OSBPL1A: variants seen among roughly 807,000 people sequenced by gnomAD.
The protein encoded by OSBPL1A is oxysterol-binding protein-related protein 1.
In OSBPL1A, 80 loss-of-function variants were observed where a neutral mutation model predicts 137.1. That is an observed-to-expected ratio of 0.58 (90% CI 0.49 to 0.70). The LOEUF (loss-of-function observed/expected upper bound fraction) is 0.70, where lower values mean the gene tolerates loss of function less well. OSBPL1A is among the 30% of genes least tolerant of loss of function. The pLI is 0.00. For missense variants in OSBPL1A, 970 were observed against 1,129.4 expected, an observed-to-expected ratio of 0.86 and a Z score of 2.02; for synonymous variants, 365 against 389.7, an observed-to-expected ratio of 0.94 and a Z score of 0.75.
In OSBPL1A at chr18:24,368,408, T is replaced by C. The variant is rs757397029; in HGVS notation, c.122-36A>G. ...AAAAATATAAGGTATTTTTAGGTCA[T>C]ATTTAGGTAATTTTACAACGAAATT... is the stretch of plus-strand genomic sequence containing the variant. On this transcript the variant is annotated intron_variant, in intron 2 of 27. Transcript: ENST00000319481. The C allele has an allele frequency of 1.5e-5, 22 of 1,488,612 alleles. No homozygotes were observed. In the East Asian group the frequency reaches 4.7e-4, roughly 32 times the overall value. The allele number at this position is 1,488,612 out of a possible 1,614,324, so 92.2% of individuals were successfully genotyped here. A position where few individuals can be genotyped will look rare whatever the true frequency, so the allele number is the denominator to read the frequency against.
chr18:24,240,886 C>T (rs1038250078), intron 15 of OSBPL1A, among the ~76,000 whole-genome samples: 3 of 152,062 alleles, frequency 2.0e-5, no homozygotes, highest in Non-Finnish European at 2.9e-5. Context: ...AGGTGGTATC[C>T]CAACAGTTTG....
Position 24,271,492 on chromosome 18 carries a change from G to T in OSBPL1A, c.1281+9350C>A. ...GCTGCACCCCACTCTGCACACACAC[G>T]TCCAACTATTCTTGGATCTACTCAC... On this transcript the variant is annotated intron_variant, in intron 15 of 27. Coordinates refer to ENST00000319481, the MANE Select transcript of OSBPL1A (RefSeq NM_080597.4). The surrounding 1 kb of genome is among the most constrained non-coding windows in gnomAD (Gnocchi z 4.0). 1.1e-6 allele frequency: 1 copy of T among 926,752 alleles called. No homozygotes were observed. Among genetic ancestry groups the T allele is most frequent in the Non-Finnish European group, 1.3e-6 (1 of 776,418 alleles). 57.4% of individuals were successfully genotyped at this position (926,752 alleles called of 1,614,324 possible).
intron 16 of OSBPL1A, among the ~76,000 whole-genome samples, chr18:24,227,191 C>A (rs1245541398): frequency 1.3e-5 from 2 of 152,072 alleles, no homozygotes; most frequent in South Asian, 4.2e-4. Context: ...CTGCGCCTGG[C>A]CAGAAACGGA....
intron 7 of OSBPL1A, among the ~76,000 whole-genome samples, chr18:24,325,621 A>G (rs1431800129): frequency 6.6e-6 from 1 of 152,076 alleles, no homozygotes. Flanking sequence ...CCTGCACCTC[A>G]TGGCCTGACA....
intron 4 of OSBPL1A, among the ~76,000 whole-genome samples, chr18:24,353,260 G>T (rs8087812): frequency 0.23 from 34,837 of 151,780 alleles, 4,527 homozygotes; most frequent in East Asian, 0.51. Context: ...GGGCGAAGGA[G>T]ATGAACAGAC....
chr18:24,352,000 T>C lies in OSBPL1A; in HGVS notation c.283-10342A>G, dbSNP rs76751203. ...GAGAATGAAAAAGGTGAAGTAGCTT[T>C]GGCAAGGATTAAGAATGGGAGAAAC... On this transcript the variant is annotated intron_variant, in intron 4 of 27. Transcript: ENST00000319481. Among the ~76,000 whole-genome samples, 480 of 152,312 alleles carry C rather than the reference T, an allele frequency of 3.2e-3. 3 individuals carry two copies. Among genetic ancestry groups the C allele is most frequent in the African/African-American group, 0.011 (450 of 41,564 alleles).
intron 27 of OSBPL1A, 99 bp downstream of exon 27, chr18:24,164,966 G>A: frequency 1.7e-6 from 2 of 1,187,614 alleles, no homozygotes; most frequent in Non-Finnish European, 2.4e-6. Context: ...GTGTTAGATA[G>A]GCCCTTGCTC....
chr18:24,224,584 G>A (rs2088004669), intron 17 of OSBPL1A, among the ~76,000 whole-genome samples: 1 of 152,142 alleles, frequency 6.6e-6, no homozygotes, highest in Non-Finnish European at 1.5e-5. Context: ...CAAGTCCTGG[G>A]TCTTAATAAA....
Position 24,313,118 on chromosome 18 carries a change from G to A in OSBPL1A, c.970-1012C>T, listed in dbSNP as rs570111281. Among the ~76,000 whole-genome samples, 17 of 149,190 alleles carry A rather than the reference G, an allele frequency of 1.1e-4. No homozygotes were observed. In the East Asian group the frequency reaches 3.4e-3, roughly 30 times the overall value. On this transcript the variant is annotated intron_variant, in intron 12 of 27. Coordinates refer to ENST00000319481, the MANE Select transcript of OSBPL1A (RefSeq NM_080597.4). ...CAGCTTGGGTGACAGAGCAAGGGAG[G>A]CTCTATCTCTAAATAAATAAATAAA... is the stretch of plus-strand genomic sequence containing the variant.
chr18:24,178,217 A>C (rs1321608747), intron 20 of OSBPL1A, 22 bp from the exon 21 acceptor site: 3 of 1,521,514 alleles, frequency 2.0e-6, no homozygotes, highest in Non-Finnish European at 2.7e-6. Flanking sequence ...AAAAAAAAAA[A>C]AAAGAAAAAA....
intron 16 of OSBPL1A, among the ~76,000 whole-genome samples, 172 bp from the exon 17 acceptor site, chr18:24,225,370 A>C (rs2088040590): frequency 6.6e-6 from 1 of 152,176 alleles, no homozygotes; most frequent in Non-Finnish European, 1.5e-5. Flanking sequence ...TGCACCTAAT[A>C]TAAGGCTGAA....
intron 1 of OSBPL1A, among the ~76,000 whole-genome samples, chr18:24,388,719 G>A (rs1907107676): frequency 6.9e-6 from 1 of 144,842 alleles, no homozygotes; most frequent in Admixed American, 7.1e-5. Flanking sequence ...AGAATCGCTT[G>A]AACCCAGGAG....
intron 1 of OSBPL1A, among the ~76,000 whole-genome samples, chr18:24,395,182 A>G (rs545941539): frequency 6.6e-6 from 1 of 152,338 alleles, no homozygotes; most frequent in South Asian, 2.1e-4. Flanking sequence ...AGAACTTGCT[A>G]GGTCATCAAA....
At chr18:24,332,499 A>T (rs1202843651) in intron 7 of OSBPL1A, among the ~76,000 whole-genome samples, 1 of 151,108 alleles carries the variant, frequency 6.6e-6, no homozygotes, top group Non-Finnish European at 1.5e-5. Flanking sequence ...AACTTTACTC[A>T]AGAGTGAGCT....
chr18:24,391,505 C>CTGAGACCAGGAGTT (rs1907352543), intron 1 of OSBPL1A, among the ~76,000 whole-genome samples: 1 of 149,924 alleles, frequency 6.7e-6, no homozygotes, highest in African/African-American at 2.5e-5. Context: ...GGAGGATAGC[C>CTGAGACCAGGAGTT]TGAGACCAGG....
chr18:24,230,094 A>G (rs1442617350), intron 16 of OSBPL1A, among the ~76,000 whole-genome samples: 4 of 152,204 alleles, frequency 2.6e-5, no homozygotes, highest in Non-Finnish European at 5.9e-5. Context: ...GTTCCCCCAC[A>G]TATAAACATC....
At chr18:24,237,971 T>C (rs2146006356) in intron 16 of OSBPL1A, among the ~76,000 whole-genome samples, 1 of 152,348 alleles carries the variant, frequency 6.6e-6, no homozygotes, top group Non-Finnish European at 1.5e-5. Flanking sequence ...TTCCCAAATC[T>C]GGCTATGAAA....
intron 15 of OSBPL1A, among the ~76,000 whole-genome samples, chr18:24,243,650 CT>C (rs1218892595): frequency 6.6e-6 from 1 of 152,188 alleles, no homozygotes; most frequent in Non-Finnish European, 1.5e-5. Flanking sequence ...CACATCTGTT[CT>C]CACTTGTTCT....
At chr18:24,209,745 A>G (rs1164119332) in intron 17 of OSBPL1A, among the ~76,000 whole-genome samples, 1 of 152,250 alleles carries the variant, frequency 6.6e-6, no homozygotes, top group African/African-American at 2.4e-5. Context: ...AAGTCAAGAC[A>G]CGGTGTTGAG....
Sources: gnomAD v4.1 joint callset for allele counts (sites outside exome capture counted in the v4.1 genomes callset) on GRCh38, gnomAD v4.1.1 for gene constraint, Gnocchi (gnomAD v3.1) non-coding constraint, MANE v1.5 for transcripts, NCBI Gene and HGNC (gene_info 2026-07-23, HGNC 2026-07-21) for gene names.